The following PACRG variants were observed in gnomAD, a reference collection of about 807,000 sequenced individuals.
PACRG encodes parkin coregulated, also known as parkin coregulated gene protein.
PACRG carries 29 observed loss-of-function variants against 29.7 expected under a neutral mutation model. The observed-to-expected ratio is 0.98, with a 90% confidence interval of 0.73 to 1.33. The LOEUF is 1.33. Among genes scored for constraint, PACRG ranks in the 40% most tolerant of loss-of-function variants. PACRG has a pLI of 0.00. For synonymous variants in PACRG, 116 were observed against 118.7 expected, an observed-to-expected ratio of 0.98 and a Z score of 0.15; for missense variants, 279 against 316.2, an observed-to-expected ratio of 0.88 and a Z score of 0.89.
chr6:162,959,081 CT>C (rs754915768), intron 2 of PACRG, among the ~76,000 whole-genome samples: 2,539 of 105,416 alleles, frequency 0.024, 38 homozygotes, highest in Admixed American at 0.068. Flanking sequence ...GCCTGGCTAA[CT>C]TTTTTTTTTT....
intron 2 of PACRG, among the ~76,000 whole-genome samples, chr6:163,008,708 C>T (rs1274239904): frequency 6.7e-6 from 1 of 148,782 alleles, no homozygotes; most frequent in Non-Finnish European, 1.5e-5. Flanking sequence ...CTATGTATTC[C>T]TTTCCCTTCG....
At chr6:162,986,321 G>GC (rs1221568721) in intron 2 of PACRG, among the ~76,000 whole-genome samples, 18 of 152,042 alleles carry the variant, frequency 1.2e-4, no homozygotes, top group Admixed American at 8.5e-4. Flanking sequence ...ATACTATAAG[G>GC]CCATAGTCAC....
chr6:162,863,811 A>G (rs1368540062), intron 2 of PACRG, among the ~76,000 whole-genome samples: 2 of 152,250 alleles, frequency 1.3e-5, no homozygotes, highest in Non-Finnish European at 2.9e-5. Flanking sequence ...AGATTTGAAT[A>G]TAGGTCTGAA....
intron 4 of PACRG, among the ~76,000 whole-genome samples, chr6:163,297,031 TGCAATA>T: frequency 6.6e-6 from 1 of 152,394 alleles, no homozygotes; most frequent in Non-Finnish European, 1.5e-5. Context: ...GATCTGATTT[TGCAATA>T]GCTCACTGCC....
intron 1 of PACRG, among the ~76,000 whole-genome samples, chr6:162,762,484 G>A (rs561579707): frequency 6.6e-6 from 1 of 152,150 alleles, no homozygotes; most frequent in Non-Finnish European, 1.5e-5. Context: ...GTGTTAAGGA[G>A]TGAGGATCAT....
chr6:163,138,268 A>G (rs1817017264), intron 4 of PACRG, among the ~76,000 whole-genome samples: 1 of 152,190 alleles, frequency 6.6e-6, no homozygotes. Context: ...AAGAACCAGA[A>G]CAACGGTCAC....
intron 2 of PACRG, among the ~76,000 whole-genome samples, chr6:163,034,678 C>T (rs1170002457): frequency 6.6e-6 from 1 of 152,120 alleles, no homozygotes; most frequent in African/African-American, 2.4e-5. Context: ...TCCTCAGCAT[C>T]GTCCCTTCCA....
chr6:163,068,397 C>G (rs500069), intron 3 of PACRG, among the ~76,000 whole-genome samples: 33,955 of 151,664 alleles, frequency 0.22, 4,566 homozygotes, highest in East Asian at 0.66. Context: ...AGTCATTTGC[C>G]TGTGACCTAT....
chr6:162,924,095 A>C (rs1278702611), intron 2 of PACRG, among the ~76,000 whole-genome samples: 2 of 151,960 alleles, frequency 1.3e-5, no homozygotes, highest in Non-Finnish European at 2.9e-5. Context: ...CATCATAGAG[A>C]TCATTCACCT....
At chr6:162,823,399 A>G (rs1788002476) in intron 2 of PACRG, among the ~76,000 whole-genome samples, 1 of 152,116 alleles carries the variant, frequency 6.6e-6, no homozygotes, top group Non-Finnish European at 1.5e-5. Flanking sequence ...TCTTAGAACA[A>G]ATATTACATG....
chr6:163,293,774 G>A (rs1325399310), intron 4 of PACRG, among the ~76,000 whole-genome samples: 1 of 152,028 alleles, frequency 6.6e-6, no homozygotes, highest in Non-Finnish European at 1.5e-5. Context: ...ACAGTGTTGT[G>A]ATTTTTAAGT....
At chr6:163,164,241 G>T (rs1261449016) in intron 4 of PACRG, among the ~76,000 whole-genome samples, 1 of 152,206 alleles carries the variant, frequency 6.6e-6, no homozygotes, top group East Asian at 1.9e-4. Flanking sequence ...CTCTGCAATA[G>T]CCATAATCTC....
intron 4 of PACRG, among the ~76,000 whole-genome samples, chr6:163,276,384 G>T (rs1264441744): frequency 1.3e-5 from 2 of 152,108 alleles, no homozygotes; most frequent in African/African-American, 2.4e-5. Flanking sequence ...CCAATAATTG[G>T]CATTTTCCTT....
At chr6:162,933,748 G>T (rs911629034) in intron 2 of PACRG, among the ~76,000 whole-genome samples, 2 of 151,590 alleles carry the variant, frequency 1.3e-5, no homozygotes, top group Non-Finnish European at 2.9e-5. Context: ...AAATATCCAA[G>T]GCTGGGTAAT....
At chr6:162,746,562 AC>A (rs890876431) in intron 1 of PACRG, among the ~76,000 whole-genome samples, 21 of 152,226 alleles carry the variant, frequency 1.4e-4, no homozygotes, top group African/African-American at 5.1e-4. Flanking sequence ...ACACATTCAC[AC>A]AAAATTATCT....
chr6:163,104,838 C>T (rs1815293397), intron 4 of PACRG, among the ~76,000 whole-genome samples: 1 of 152,134 alleles, frequency 6.6e-6, no homozygotes. Flanking sequence ...ATTGCTCTTG[C>T]CATGTATACT....
rs1429267898 is a variant in PACRG, at chr6:163,144,120, A to G, written c.613+54712A>G. ...GGTGCATGCCTATAATCCCAGCTAC[A>G]TGGGAGTCTGGGGCAGGAGAATAGC... is the stretch of plus-strand genomic sequence containing the variant. On this transcript the variant is annotated intron_variant, in intron 4 of 4. Transcript: ENST00000366888. 4.0e-5 allele frequency among the ~76,000 whole-genome samples: 6 copies of G among 151,110 alleles called. No individual in the cohort carries two copies. In the East Asian group the frequency reaches 1.2e-3, roughly 30 times the overall value.
intron 2 of PACRG, among the ~76,000 whole-genome samples, chr6:162,900,141 A>C (rs758181117): frequency 2.6e-5 from 4 of 151,786 alleles, no homozygotes; most frequent in Non-Finnish European, 5.9e-5. Flanking sequence ...ATCGTAATGC[A>C]CCCTCGAGAA....
chr6:162,954,632 C>T (rs1799888483), intron 2 of PACRG, among the ~76,000 whole-genome samples: 2 of 152,150 alleles, frequency 1.3e-5, no homozygotes, highest in African/African-American at 4.8e-5. Context: ...ACCTTATTAG[C>T]ATTCATTCAT....
Sources: allele counts gnomAD v4.1 joint callset (sites outside exome capture counted in the v4.1 genomes callset), GRCh38; gene constraint gnomAD v4.1.1; transcripts MANE v1.5; gene names NCBI Gene and HGNC (gene_info 2026-07-23, HGNC 2026-07-21).